Variants in GLI3 observed in about 807,000 individuals in gnomAD.
The protein encoded by GLI3 is transcription activator GLI3.
GLI3 carries 20 observed loss-of-function variants against 100.8 expected under a neutral mutation model. That is an observed-to-expected ratio of 0.20 (90% CI 0.14 to 0.29). The LOEUF (loss-of-function observed/expected upper bound fraction) is 0.29, where lower values mean the gene tolerates loss of function less well. Among genes scored for constraint, GLI3 ranks in the 10% least tolerant of loss-of-function variants. The probability of loss-of-function intolerance (pLI) is 1.00; values close to 1 mark genes in which losing one functional copy is unlikely to be tolerated. For synonymous variants in GLI3, 938 were observed against 860.5 expected (o/e 1.09, Z -1.58); for missense variants, 2,040 against 2,128.5 (o/e 0.96, Z 0.82).
At chr7:42,136,103 G>A (rs1786422220) in intron 3 of GLI3, among the ~76,000 whole-genome samples, 1 of 152,182 alleles carries the variant, frequency 6.6e-6, no homozygotes, top group South Asian at 2.1e-4. Flanking sequence ...ATACTGGCTT[G>A]TATTATCTGT....
chr7:42,031,917 T>C (rs1366833948), intron 7 of GLI3, among the ~76,000 whole-genome samples: 2 of 152,228 alleles, frequency 1.3e-5, no homozygotes, highest in Non-Finnish European at 2.9e-5. Context: ...TCTGAATCTT[T>C]AAGAAAGTTC....
chr7:42,044,977 T>TC (rs1411906934), intron 6 of GLI3, among the ~76,000 whole-genome samples: 2 of 152,176 alleles, frequency 1.3e-5, no homozygotes, highest in Non-Finnish European at 2.9e-5. Context: ...AACACCGACC[T>TC]CCTGGGCTCA....
At chr7:42,141,522 A>C (rs1419282145) in intron 3 of GLI3, among the ~76,000 whole-genome samples, 3 of 152,032 alleles carry the variant, frequency 2.0e-5, no homozygotes, top group Non-Finnish European at 4.4e-5. Context: ...AAATATAAAA[A>C]TTAGCCAGGC....
At chr7:42,110,943 G>C (rs903551380) in intron 3 of GLI3, among the ~76,000 whole-genome samples, 1 of 152,148 alleles carries the variant, frequency 6.6e-6, no homozygotes, top group Non-Finnish European at 1.5e-5. Context: ...CAAGAGTCCA[G>C]AACAGCACGA....
chr7:42,054,161 A>C (rs1296891315), intron 4 of GLI3, among the ~76,000 whole-genome samples: 1 of 152,242 alleles, frequency 6.6e-6, no homozygotes, highest in Non-Finnish European at 1.5e-5. Flanking sequence ...ATGGTCATGA[A>C]AATAGATTAC....
chr7:42,138,732 C>T (rs558541585), intron 3 of GLI3, among the ~76,000 whole-genome samples: 12 of 152,352 alleles, frequency 7.9e-5, no homozygotes, highest in African/African-American at 2.9e-4. Flanking sequence ...GTGCACTTCT[C>T]TGCTCTTGTC....
At chr7:41,989,161 T>C (rs1048792072) in intron 10 of GLI3, among the ~76,000 whole-genome samples, 3 of 152,174 alleles carry the variant, frequency 2.0e-5, no homozygotes, top group African/African-American at 7.2e-5. Context: ...AAGAAAGATA[T>C]AGAGTTAAGC....
chr7:41,989,694 C>G (rs1366334854), intron 10 of GLI3, among the ~76,000 whole-genome samples: 1 of 152,084 alleles, frequency 6.6e-6, no homozygotes, highest in Non-Finnish European at 1.5e-5. Context: ...GATAGTTTCT[C>G]TCTACACTAA....
chr7:42,226,658 G>A (rs1251314711), intron 1 of GLI3, among the ~76,000 whole-genome samples: 1 of 152,156 alleles, frequency 6.6e-6, no homozygotes, highest in Non-Finnish European at 1.5e-5. Context: ...TTATTTAAAA[G>A]TGTGGTTTAT....
At chr7:42,063,243 AG>A (rs1784607064) in intron 4 of GLI3, among the ~76,000 whole-genome samples, 1 of 152,180 alleles carries the variant, frequency 6.6e-6, no homozygotes, top group African/African-American at 2.4e-5. Flanking sequence ...CTGGGCTCTC[AG>A]GGGAAAAAAT....
At chr7:42,086,549 T>C (rs535605850) in intron 3 of GLI3, among the ~76,000 whole-genome samples, 16 of 151,974 alleles carry the variant, frequency 1.1e-4, no homozygotes, top group African/African-American at 3.4e-4. Context: ...GCCACCAAGC[T>C]CTGTCCAGGA....
At chr7:41,995,662 A>G (rs1251076680) in intron 10 of GLI3, among the ~76,000 whole-genome samples, 2 of 152,188 alleles carry the variant, frequency 1.3e-5, no homozygotes, top group Non-Finnish European at 2.9e-5. Context: ...ACAGAAGAGA[A>G]CATTTCCCAA....
chr7:41,980,652 A>G (rs138511544), intron 10 of GLI3, among the ~76,000 whole-genome samples: 181 of 152,270 alleles, frequency 1.2e-3, no homozygotes, highest in African/African-American at 4.1e-3. Flanking sequence ...AGGGAGACAG[A>G]AGGAAAGGGA....
chr7:41,964,396 G>C lies in GLI3; in HGVS notation c.4677C>G (p.Ile1559Met), dbSNP rs1360348103. The change falls in exon 15 of 15, where the codon ATC (isoleucine) becomes ATG (methionine). Residue 1559 changes from isoleucine to methionine, a missense_variant. Ile to Met is a conservative substitution (Grantham distance 10, BLOSUM62 1). Coordinates refer to ENST00000395925, the MANE Select transcript of GLI3 (RefSeq NM_000168.6). ...AGGTCAGCAAAGAACTCATGTCCCC[G>C]ATAGCCATGTTGGTGGTGCTCATGG... ...ALSMSTTNMA[I>M]GDMSSLLTSL... 6.2e-7 allele frequency: 1 copy of C among 1,614,006 alleles called. No homozygotes were observed. Among genetic ancestry groups the C allele is most frequent in the African/African-American group, 1.3e-5 (1 of 75,048 alleles).
At chr7:42,077,630 G>A (rs1280891415) in intron 3 of GLI3, among the ~76,000 whole-genome samples, 1 of 151,692 alleles carries the variant, frequency 6.6e-6, no homozygotes, top group East Asian at 1.9e-4. Context: ...AACGCTCCGG[G>A]TTCCTGAGCT....
intron 1 of GLI3, 45 bp downstream of exon 1, chr7:42,236,926 C>G (rs1468272637): frequency 6.6e-6 from 1 of 152,042 alleles, no homozygotes; most frequent in Admixed American, 6.6e-5. Flanking sequence ...GCCGCAGGAG[C>G]GGGCTGCGGG....
chr7:41,967,462 C>CT, intron 14 of GLI3, 134 bp downstream of exon 14: 1 of 725,096 alleles, frequency 1.4e-6, no homozygotes, highest in Non-Finnish European at 2.4e-6. Flanking sequence ...CTTGAATGGG[C>CT]TAAACATTAA....
At chr7:42,232,656 CTTTTTT>C (rs1158695854) in intron 1 of GLI3, among the ~76,000 whole-genome samples, 1 of 152,154 alleles carries the variant, frequency 6.6e-6, no homozygotes, top group African/African-American at 2.4e-5. Flanking sequence ...TAAGTATTTT[CTTTTTT>C]AATTATGACT....
At position 42,166,274 on chromosome 7, in the gene GLI3, G is replaced by T. The variant is rs1336748279; in HGVS notation, c.125-17806C>A. On this transcript the variant is annotated intron_variant, in intron 2 of 14. Coordinates refer to ENST00000395925, the MANE Select transcript of GLI3 (RefSeq NM_000168.6). ...ATAAGATCCTTGAGGGCAGGCGCTGGAATTCAGTACTCTGCTATCTCTTAT... is the reference window on the plus strand; with the variant it reads ...ATAAGATCCTTGAGGGCAGGCGCTGTAATTCAGTACTCTGCTATCTCTTAT... Among the ~76,000 whole-genome samples the T allele has an allele frequency of 6.6e-5, 10 of 152,278 alleles. No homozygotes were observed. The East Asian group carries it at 1.9e-3, about 29-fold the overall frequency.
Sources: gnomAD v4.1 joint callset for allele counts (sites outside exome capture counted in the v4.1 genomes callset) on GRCh38, gnomAD v4.1.1 for gene constraint, MANE v1.5 for transcripts, NCBI Gene and HGNC (gene_info 2026-07-23, HGNC 2026-07-21) for gene names.